The following EIPR1 variants were observed in gnomAD, a reference collection of about 807,000 sequenced individuals.
EIPR1 encodes the protein EARP and GARP complex-interacting protein 1.
In EIPR1, 25 loss-of-function variants were observed where a neutral mutation model predicts 48.1. The ratio of observed to expected loss-of-function variants is 0.52; its 90% CI spans 0.38 to 0.73. The LOEUF is 0.73. EIPR1 is among the 30% of genes least tolerant of loss of function. The pLI is 0.00. For missense variants in EIPR1, 415 were observed against 506.2 expected (o/e 0.82, Z 1.73); for synonymous variants, 204 against 201.9 (o/e 1.01, Z -0.09).
chr2:3,232,248 G>A lies in EIPR1; in HGVS notation c.417-18000C>T, dbSNP rs114537585. ...GGCTTGTCAACTTCTTTATCTTTTC[G>A]AAAAGCAGCTCTAAGTTTTGATATT... On this transcript the variant is annotated intron_variant, in intron 4 of 8. Coordinates refer to ENST00000382125, the MANE Select transcript of EIPR1 (RefSeq NM_003310.5). 8.6e-3 allele frequency among the ~76,000 whole-genome samples: 1,301 copies of A among 151,982 alleles called. 7 individuals carry two copies. Among genetic ancestry groups the A allele is most frequent in the Non-Finnish European group, 0.015 (1,012 of 67,962 alleles).
intron 3 of EIPR1, among the ~76,000 whole-genome samples, chr2:3,328,095 A>ATGGCACCTGGGG (rs1265947545): frequency 7.2e-5 from 11 of 152,154 alleles, no homozygotes; most frequent in Non-Finnish European, 1.2e-4. Context: ...AGGCAGAGGG[A>ATGGCACCTGGGG]TGGCACCTGG....
intron 3 of EIPR1, among the ~76,000 whole-genome samples, chr2:3,276,144 A>G (rs1310517273): frequency 1.3e-5 from 2 of 152,252 alleles, no homozygotes; most frequent in South Asian, 2.1e-4. Flanking sequence ...AATTGTCAAG[A>G]TAAGTGTACT....
At chr2:3,265,230 C>CA (rs1308331071) in intron 3 of EIPR1, among the ~76,000 whole-genome samples, 21 of 100,326 alleles carry the variant, frequency 2.1e-4, no homozygotes, top group African/African-American at 8.3e-4. Flanking sequence ...CATCGTCACC[C>CA]AAAAAAATGA....
At chr2:3,328,428 T>C (rs1458877181) in intron 3 of EIPR1, among the ~76,000 whole-genome samples, 1 of 148,758 alleles carries the variant, frequency 6.7e-6, no homozygotes, top group African/African-American at 2.5e-5. Context: ...CACCACGCTC[T>C]AATGATCTCA....
chr2:3,204,981 A>T (rs1311782912), intron 5 of EIPR1, among the ~76,000 whole-genome samples: 1 of 152,230 alleles, frequency 6.6e-6, no homozygotes. Context: ...TACTACATGC[A>T]CGCTGACCAA....
rs546298109 is a variant in EIPR1, at chr2:3,189,959, C to T, written c.990-451G>A. ...CCCTGGGAAGCAGCGGGTCCAGCTC[C>T]TGGCTGTGTAGGAGTCAGAGGCTGG... On this transcript the variant is annotated intron_variant, in intron 8 of 8. Transcript: ENST00000382125. This position sits in a 1 kb window ranked among gnomAD's most constrained non-coding sequence, Gnocchi z 4.6. 4.6e-5 allele frequency among the ~76,000 whole-genome samples: 7 copies of T among 152,240 alleles called. No homozygotes were observed. In the East Asian group the frequency reaches 1.4e-3, roughly 30 times the overall value.
At chr2:3,276,316 A>T (rs1011727993) in intron 3 of EIPR1, among the ~76,000 whole-genome samples, 2 of 152,246 alleles carry the variant, frequency 1.3e-5, no homozygotes, top group African/African-American at 4.8e-5. Context: ...TCATCTCCAG[A>T]CAGAGAACGG....
chr2:3,310,447 A>T (rs1166060360), intron 3 of EIPR1, among the ~76,000 whole-genome samples: 1 of 144,184 alleles, frequency 6.9e-6, no homozygotes, highest in Non-Finnish European at 1.5e-5. Context: ...AGGTCAGGAG[A>T]CTGAGACCAT....
intron 3 of EIPR1, among the ~76,000 whole-genome samples, chr2:3,310,632 G>C (rs1345634087): frequency 2.4e-5 from 3 of 123,744 alleles, no homozygotes; most frequent in Non-Finnish European, 1.6e-5. Context: ...CAGCCTGGGC[G>C]ACAGAGCCAG....
At chr2:3,222,316 C>T (rs1193120836) in intron 4 of EIPR1, among the ~76,000 whole-genome samples, 5 of 152,212 alleles carry the variant, frequency 3.3e-5, no homozygotes, top group Admixed American at 6.5e-5. Flanking sequence ...TCTCTGCATG[C>T]GACTGATTTT....
intron 2 of EIPR1, among the ~76,000 whole-genome samples, chr2:3,347,730 G>C (rs1321257088): frequency 6.6e-6 from 1 of 152,212 alleles, no homozygotes; most frequent in East Asian, 1.9e-4. Context: ...TTCCAAGTAT[G>C]GCAGACCATC....
rs986213470 is a variant in EIPR1 at position 3,314,958 on chromosome 2, G to A, written c.259+23059C>T. On this transcript the variant is annotated intron_variant, in intron 3 of 8. Transcript: ENST00000382125. Reference sequence around the variant, plus strand: ...CCTGGCAAGGCCCTGCCCTGGCGGTGTCCACACAGCATCTTCTGCTGCTGC... The same window carrying A: ...CCTGGCAAGGCCCTGCCCTGGCGGTATCCACACAGCATCTTCTGCTGCTGC... Among the ~76,000 whole-genome samples the A allele has an allele frequency of 5.3e-5, 8 of 151,742 alleles. No individual in the cohort carries two copies. In the East Asian group the frequency reaches 1.5e-3, roughly 29 times the overall value.
At position 3,377,808 on chromosome 2, in the gene EIPR1, G is replaced by T; in HGVS notation, c.-119C>A. The T allele has an allele frequency of 2.5e-6, 3 of 1,192,348 alleles. No individual in the cohort carries two copies. Among genetic ancestry groups the T allele is most frequent in the South Asian group, 2.8e-5 (2 of 71,154 alleles). The allele number at this position is 1,192,348 out of a possible 1,614,324, so 73.9% of individuals were successfully genotyped here. On this transcript the variant is annotated 5_prime_UTR_variant, in exon 1 of 9. Coordinates refer to ENST00000382125, the MANE Select transcript of EIPR1 (RefSeq NM_003310.5). Reference sequence around the variant, plus strand: ...CATTCATTCCCTCCCCGCAGCAAACGACTCCAAACTGGAAGTCTTTCTGGC... The same window carrying T: ...CATTCATTCCCTCCCCGCAGCAAACTACTCCAAACTGGAAGTCTTTCTGGC...
intron 4 of EIPR1, among the ~76,000 whole-genome samples, chr2:3,229,712 A>T (rs566351184): frequency 6.6e-6 from 1 of 152,186 alleles, no homozygotes; most frequent in South Asian, 2.1e-4. Context: ...TCAATACACA[A>T]TTAGGATCTT....
intron 4 of EIPR1, among the ~76,000 whole-genome samples, chr2:3,231,171 T>C (rs1053944451): frequency 4.6e-5 from 7 of 152,236 alleles, no homozygotes; most frequent in East Asian, 1.9e-4. Context: ...TATACAGAAA[T>C]GCAACTGATT....
Position 3,212,075 on chromosome 2 carries a change from G to A in EIPR1, c.516+2074C>T, listed in dbSNP as rs940908991. Among the ~76,000 whole-genome samples, 60 of 152,220 alleles carry A rather than the reference G, an allele frequency of 3.9e-4. 1 individual carries two copies. Among genetic ancestry groups the A allele is most frequent in the Admixed American group, 3.3e-3 (51 of 15,284 alleles). ...AACAATAAGAAGACATTGAGAAGCT[G>A]GGTGTGAAGATGGCTTGAATCGATA... is the stretch of plus-strand genomic sequence containing the variant. On this transcript the variant is annotated intron_variant, in intron 5 of 8. Coordinates refer to ENST00000382125, the MANE Select transcript of EIPR1 (RefSeq NM_003310.5).
At chr2:3,324,830 C>T (rs1669644917) in intron 3 of EIPR1, among the ~76,000 whole-genome samples, 1 of 146,692 alleles carries the variant, frequency 6.8e-6, no homozygotes, top group Non-Finnish European at 1.5e-5. Context: ...GCCGCGCCTC[C>T]AGCACCTCGG....
intron 3 of EIPR1, among the ~76,000 whole-genome samples, chr2:3,305,805 T>G (rs964858972): frequency 8.5e-5 from 13 of 152,378 alleles, no homozygotes; most frequent in African/African-American, 3.1e-4. Flanking sequence ...GACAGTCTTC[T>G]AAGTGTCTGT....
chr2:3,193,900 C>G lies in EIPR1; in HGVS notation c.821+99G>C. On this transcript the variant is annotated intron_variant, in intron 7 of 8. Transcript: ENST00000382125. ...GGGTTGATTGAATGATTCACAGCAG[C>G]ACAAACTAAGCTGGTTTGTGTCTTT... 8 of 1,379,454 alleles carry G rather than the reference C, an allele frequency of 5.8e-6. No homozygotes were observed. In the South Asian group the frequency reaches 1.0e-4, roughly 17 times the overall value. The allele number at this position is 1,379,454 out of a possible 1,614,324, so 85.5% of individuals were successfully genotyped here.
Sources: allele counts gnomAD v4.1 joint callset (sites outside exome capture counted in the v4.1 genomes callset), GRCh38; gene constraint gnomAD v4.1.1; non-coding constraint Gnocchi (gnomAD v3.1); transcripts MANE v1.5; gene names NCBI Gene and HGNC (gene_info 2026-07-23, HGNC 2026-07-21).